The following ASB3 variants were observed in gnomAD, a reference collection of about 807,000 sequenced individuals.
The protein encoded by ASB3 is ankyrin repeat and SOCS box protein 3.
In ASB3, 41 loss-of-function variants were observed where a neutral mutation model predicts 54.5. That is an observed-to-expected ratio of 0.75 (90% CI 0.59 to 0.98). ASB3 has a LOEUF of 0.98. ASB3 is among the 50% of genes least tolerant of loss of function. The pLI, the probability that ASB3 is intolerant of heterozygous loss-of-function variation, is 0.00. For missense variants in ASB3, 733 were observed against 620.0 expected (o/e 1.18, Z -1.94); for synonymous variants, 266 against 221.2 (o/e 1.20, Z -1.80).
At chr2:53,693,200 GA>G (rs1669006717) in intron 9 of ASB3, among the ~76,000 whole-genome samples, 1 of 152,118 alleles carries the variant, frequency 6.6e-6, no homozygotes, top group Admixed American at 6.6e-5. Context: ...AAATAAATCT[GA>G]AAAAGTAAAT....
At position 53,765,547 on chromosome 2, in the gene ASB3, T is replaced by A. The variant is rs756744902; in HGVS notation, c.26A>T (p.Asp9Val). 3 of 1,614,192 alleles carry A rather than the reference T, an allele frequency of 1.9e-6. No homozygotes were observed. The South Asian group carries it at 3.3e-5, about 18-fold the overall frequency. Residue 9 changes from aspartate (D) to valine (V), a missense_variant, in exon 2 of 10, where the codon GAC becomes GTC. Transcript: ENST00000263634. ...AGCAAGTCCAACTGTAGAGCACGTG[T>A]CCGCGTAAGCCTCTGTAAAATCCAT... MDFTEAYADTCSTVGLAAR... is the reference protein window; with the variant it reads MDFTEAYAVTCSTVGLAAR...
At chr2:53,732,344 G>C (rs1490436576) in intron 3 of ASB3, among the ~76,000 whole-genome samples, 1 of 152,072 alleles carries the variant, frequency 6.6e-6, no homozygotes, top group Non-Finnish European at 1.5e-5. Flanking sequence ...TTAAAAAAAA[G>C]CCTGAAAATA....
intron 3 of ASB3, among the ~76,000 whole-genome samples, chr2:53,746,540 C>T (rs999580125): frequency 4.0e-5 from 6 of 149,600 alleles, no homozygotes; most frequent in Non-Finnish European, 7.4e-5. Flanking sequence ...TGCAATGGCG[C>T]AATCTTGGCT....
At chr2:53,720,037 G>A (rs1670610251) in intron 5 of ASB3, among the ~76,000 whole-genome samples, 1 of 151,978 alleles carries the variant, frequency 6.6e-6, no homozygotes, top group Non-Finnish European at 1.5e-5. Context: ...GAATTTCCCT[G>A]TGGACGAAGG....
chr2:53,692,670 T>A (rs1449294208), intron 9 of ASB3, among the ~76,000 whole-genome samples: 1 of 152,162 alleles, frequency 6.6e-6, no homozygotes, highest in African/African-American at 2.4e-5. Flanking sequence ...CTCTCATATA[T>A]CCTTACTAAT....
At chr2:53,686,245 T>C (rs1318808517) in intron 9 of ASB3, among the ~76,000 whole-genome samples, 1 of 152,174 alleles carries the variant, frequency 6.6e-6, no homozygotes, top group African/African-American at 2.4e-5. Flanking sequence ...ATTTTAATTT[T>C]TAAGGTTCTA....
chr2:53,729,473 G>C lies in ASB3; in HGVS notation c.453C>G (p.His151Gln). 1 of 1,613,842 alleles carries C rather than the reference G, an allele frequency of 6.2e-7. No homozygotes were observed. Among genetic ancestry groups the C allele is most frequent in the Non-Finnish European group, 8.5e-7 (1 of 1,179,790 alleles). The change falls in exon 4 of 10, where the codon CAC (histidine) becomes CAG (glutamine). Residue 151 changes from histidine to glutamine, a missense_variant. Coordinates refer to ENST00000263634, the MANE Select transcript of ASB3 (RefSeq NM_016115.5). ...CAGAGGTTACCTGAAAAGAAGCCTGGTGCAAGGAGTTCCATCCACACATAG... is the reference window on the plus strand; with the variant it reads ...CAGAGGTTACCTGAAAAGAAGCCTGCTGCAAGGAGTTCCATCCACACATAG... Reference protein sequence around the residue: ...SHSMCGWNSLHQASFQENAEI... With the variant: ...SHSMCGWNSLQQASFQENAEI...
intron 2 of ASB3, among the ~76,000 whole-genome samples, chr2:53,759,101 T>C (rs969123654): frequency 3.9e-5 from 6 of 152,138 alleles, no homozygotes; most frequent in African/African-American, 1.4e-4. Context: ...AGTTTGGCAA[T>C]CTCTGGTATC....
At chr2:53,731,938 C>A (rs1031656843) in intron 3 of ASB3, among the ~76,000 whole-genome samples, 15 of 151,912 alleles carry the variant, frequency 9.9e-5, no homozygotes, top group African/African-American at 3.1e-4. Flanking sequence ...CAGGCGTGAG[C>A]CATCACACTT....
At chr2:53,756,540 T>C (rs886928414) in intron 2 of ASB3, among the ~76,000 whole-genome samples, 3 of 152,124 alleles carry the variant, frequency 2.0e-5, no homozygotes, top group African/African-American at 7.2e-5. Context: ...CAGGAAGACA[T>C]TACCATTTGA....
chr2:53,731,297 G>C (rs956170521), intron 3 of ASB3, among the ~76,000 whole-genome samples: 1 of 152,184 alleles, frequency 6.6e-6, no homozygotes, highest in Non-Finnish European at 1.5e-5. Flanking sequence ...AGCTACTTGA[G>C]AGGCTGAGGC....
At position 53,729,490 on chromosome 2, in the gene ASB3, C is replaced by G. The variant is rs746802009; in HGVS notation, c.436G>C (p.Gly146Arg). Residue 146 changes from glycine (G) to arginine (R), a missense_variant, in exon 4 of 10, where the codon GGA (glycine) becomes CGA (arginine). Coordinates refer to ENST00000263634, the MANE Select transcript of ASB3 (RefSeq NM_016115.5). Reference protein sequence around the residue: ...ANVNGSHSMCGWNSLHQASFQ... With the variant: ...ANVNGSHSMCRWNSLHQASFQ... ...GAAGCCTGGTGCAAGGAGTTCCATCCACACATAGAATGGGATCCATTAACA... is the reference window on the plus strand; with the variant it reads ...GAAGCCTGGTGCAAGGAGTTCCATCGACACATAGAATGGGATCCATTAACA... 1 of 1,613,868 alleles carries G rather than the reference C, an allele frequency of 6.2e-7. No individual in the cohort carries two copies. Among genetic ancestry groups the G allele is most frequent in the Admixed American group, 1.7e-5 (1 of 60,026 alleles).
chr2:53,699,996 G>A (rs1669398216), intron 8 of ASB3, among the ~76,000 whole-genome samples: 1 of 152,166 alleles, frequency 6.6e-6, no homozygotes, highest in African/African-American at 2.4e-5. Flanking sequence ...AGAGAAGCAT[G>A]AGGAATGCCC....
rs752387345 is a variant in ASB3 at position 53,749,855 on chromosome 2, G to C, written c.355+928C>G. Among the ~76,000 whole-genome samples, 61 of 152,058 alleles carry C rather than the reference G, an allele frequency of 4.0e-4. 1 individual carries two copies. Among genetic ancestry groups the C allele is most frequent in the Middle Eastern group, 3.4e-3 (1 of 294 alleles). On this transcript the variant is annotated intron_variant, in intron 3 of 9. Coordinates refer to ENST00000263634, the MANE Select transcript of ASB3 (RefSeq NM_016115.5). Reference sequence around the variant, plus strand: ...GATGGAATGGTTCTATATCTTGATTGTTGTCATTACAGAATTTTATGAATA... The same window carrying C: ...GATGGAATGGTTCTATATCTTGATTCTTGTCATTACAGAATTTTATGAATA...
intron 1 of ASB3, among the ~76,000 whole-genome samples, chr2:53,786,112 A>G (rs971011517): frequency 6.6e-6 from 1 of 152,196 alleles, no homozygotes; most frequent in Admixed American, 6.5e-5. Context: ...ATTTCTCTAA[A>G]GCCAACACTC....
At chr2:53,771,893 CCT>C in intron 1 of ASB3, 1 of 1,540,722 alleles carries the variant, frequency 6.5e-7, no homozygotes, top group Admixed American at 1.9e-5. Flanking sequence ...TTTTTTTTTA[CCT>C]TTTTAAAACA....
intron 9 of ASB3, among the ~76,000 whole-genome samples, chr2:53,683,794 C>T (rs529189939): frequency 3.9e-5 from 6 of 152,118 alleles, no homozygotes; most frequent in South Asian, 2.1e-4. Context: ...TGAATTTCTA[C>T]GGTATCGGTT....
intron 7 of ASB3, among the ~76,000 whole-genome samples, chr2:53,709,267 C>G (rs1257815419): frequency 6.6e-6 from 1 of 152,218 alleles, no homozygotes; most frequent in African/African-American, 2.4e-5. Flanking sequence ...AGGTACAGCT[C>G]AGGCCACTGT....
intron 9 of ASB3, among the ~76,000 whole-genome samples, chr2:53,676,664 C>G (rs1307234901): frequency 6.6e-6 from 1 of 152,210 alleles, no homozygotes; most frequent in Admixed American, 6.5e-5. Flanking sequence ...TCACTCTCCA[C>G]TCACTCATTG....
Sources: gnomAD v4.1 joint callset for allele counts (sites outside exome capture counted in the v4.1 genomes callset) on GRCh38, gnomAD v4.1.1 for gene constraint, MANE v1.5 for transcripts, NCBI Gene and HGNC (gene_info 2026-07-23, HGNC 2026-07-21) for gene names.